GALNTL6: variants seen among roughly 807,000 people sequenced by gnomAD.
The protein encoded by GALNTL6 is polypeptide N-acetylgalactosaminyltransferase-like 6.
GALNTL6 carries 46 observed loss-of-function variants against 73.7 expected under a neutral mutation model. That is an observed-to-expected ratio of 0.62 (90% CI 0.49 to 0.80). GALNTL6 has a LOEUF of 0.80. GALNTL6 is among the 30% of genes least tolerant of loss of function. The pLI is 0.00. For missense variants in GALNTL6, 604 were observed against 755.0 expected, an observed-to-expected ratio of 0.80 and a Z score of 2.34; for synonymous variants, 259 against 263.7, an observed-to-expected ratio of 0.98 and a Z score of 0.17.
chr4:172,691,238 G>A (rs2111258559), intron 5 of GALNTL6, among the ~76,000 whole-genome samples: 1 of 152,234 alleles, frequency 6.6e-6, no homozygotes, highest in South Asian at 2.1e-4. Context: ...TCATCAAACA[G>A]CAAGAAAACA....
chr4:172,777,941 A>G (rs1027258771), intron 5 of GALNTL6, among the ~76,000 whole-genome samples: 1 of 152,134 alleles, frequency 6.6e-6, no homozygotes. Flanking sequence ...AGTTCTCTCT[A>G]TTTCCTAGGT....
chr4:171,929,886 C>T (rs1001204938), intron 2 of GALNTL6, among the ~76,000 whole-genome samples: 16 of 152,186 alleles, frequency 1.1e-4, no homozygotes, highest in Admixed American at 6.5e-5. Context: ...CTGTCTGGTC[C>T]CCCTGCACTT....
intron 2 of GALNTL6, among the ~76,000 whole-genome samples, chr4:171,903,336 A>G (rs1053094421): frequency 3.3e-5 from 5 of 152,116 alleles, no homozygotes; most frequent in Non-Finnish European, 5.9e-5. Context: ...CTCGGAAAGC[A>G]CAAGGGGTCA....
chr4:172,167,456 C>T (rs1446262547), intron 2 of GALNTL6, among the ~76,000 whole-genome samples: 1 of 152,124 alleles, frequency 6.6e-6, no homozygotes, highest in Non-Finnish European at 1.5e-5. Flanking sequence ...TGTTGCTTAC[C>T]TGCTTAGAGC....
chr4:171,816,518 C>T (rs1333877180), intron 2 of GALNTL6, among the ~76,000 whole-genome samples: 1 of 151,930 alleles, frequency 6.6e-6, no homozygotes, highest in Non-Finnish European at 1.5e-5. Flanking sequence ...TTTTCGTATA[C>T]TGTAGAATAA....
At chr4:172,465,478 AAAAAAGAAAAAAAAAG>A (rs1388536048) in intron 5 of GALNTL6, among the ~76,000 whole-genome samples, 1 of 152,010 alleles carries the variant, frequency 6.6e-6, no homozygotes, top group Non-Finnish European at 1.5e-5. Context: ...ATCCGTCTCA[AAAAAAGAAAAAAAAAG>A]AAAAAGAAAA....
intron 3 of GALNTL6, among the ~76,000 whole-genome samples, chr4:172,261,115 C>T (rs1000415141): frequency 1.3e-5 from 2 of 151,336 alleles, no homozygotes; most frequent in African/African-American, 4.8e-5. Context: ...GATTGACTTG[C>T]TTCATATAAT....
chr4:172,035,356 C>A (rs910859373), intron 2 of GALNTL6, among the ~76,000 whole-genome samples: 2 of 152,040 alleles, frequency 1.3e-5, no homozygotes, highest in Admixed American at 1.3e-4. Flanking sequence ...AATTTGGACT[C>A]CTCAAGCCAG....
intron 5 of GALNTL6, among the ~76,000 whole-genome samples, chr4:172,462,231 T>C (rs1408189427): frequency 6.6e-6 from 1 of 152,182 alleles, no homozygotes; most frequent in Non-Finnish European, 1.5e-5. Flanking sequence ...TCCATATCCA[T>C]GTGAGCTAAT....
intron 5 of GALNTL6, among the ~76,000 whole-genome samples, chr4:172,533,178 A>AT (rs1328890898): frequency 2.0e-5 from 3 of 150,500 alleles, no homozygotes; most frequent in South Asian, 4.2e-4. Flanking sequence ...TGCCTGGCTA[A>AT]TTTTTTGTAT....
chr4:172,592,832 T>G (rs1334424876), intron 5 of GALNTL6, among the ~76,000 whole-genome samples: 1 of 152,154 alleles, frequency 6.6e-6, no homozygotes, highest in Non-Finnish European at 1.5e-5. Flanking sequence ...ATTTTGATAT[T>G]TCTTTATGAT....
At chr4:172,223,287 C>T (rs1560976862) in intron 2 of GALNTL6, among the ~76,000 whole-genome samples, 2 of 151,822 alleles carry the variant, frequency 1.3e-5, no homozygotes, top group Non-Finnish European at 1.5e-5. Flanking sequence ...TTCTTTCCAC[C>T]AAAAAAATTT....
intron 2 of GALNTL6, among the ~76,000 whole-genome samples, chr4:171,942,241 G>GATACATAAATAA (rs1370018816): frequency 3.3e-4 from 10 of 30,154 alleles, no homozygotes; most frequent in African/African-American, 4.5e-4. Context: ...AAAATAAATA[G>GATACATAAATAA]ATAAATAAAT....
chr4:171,920,435 T>C (rs1021118018), intron 2 of GALNTL6, among the ~76,000 whole-genome samples: 11 of 151,938 alleles, frequency 7.2e-5, no homozygotes, highest in African/African-American at 2.7e-4. Context: ...GGGAAATGTG[T>C]TTAATATTAT....
At chr4:172,018,677 C>T (rs1741293603) in intron 2 of GALNTL6, among the ~76,000 whole-genome samples, 3 of 152,104 alleles carry the variant, frequency 2.0e-5, no homozygotes, top group Admixed American at 2.0e-4. Context: ...ACATCTCTCC[C>T]AATTTGTCCA....
intron 3 of GALNTL6, among the ~76,000 whole-genome samples, chr4:172,287,350 C>T (rs1316184040): frequency 1.3e-5 from 2 of 152,008 alleles, no homozygotes; most frequent in African/African-American, 2.4e-5. Context: ...GTGTGCATGC[C>T]CACAGTGCAT....
intron 4 of GALNTL6, among the ~76,000 whole-genome samples, chr4:172,329,298 G>A (rs754993875): frequency 6.6e-6 from 1 of 152,138 alleles, no homozygotes; most frequent in Non-Finnish European, 1.5e-5. Context: ...GCCCCAGCAG[G>A]GGGTGGCTGG....
intron 2 of GALNTL6, among the ~76,000 whole-genome samples, chr4:171,834,698 A>G (rs540361): frequency 1.3e-5 from 2 of 151,922 alleles, no homozygotes; most frequent in African/African-American, 4.8e-5. Flanking sequence ...TGGATATACC[A>G]TCTAAAGATG....
intron 2 of GALNTL6, among the ~76,000 whole-genome samples, chr4:171,886,169 TCAAA>T (rs1259811809): frequency 6.6e-6 from 1 of 152,028 alleles, no homozygotes; most frequent in Non-Finnish European, 1.5e-5. Context: ...TTAATAAAAA[TCAAA>T]CAAATAAAAA....
Sources: allele counts gnomAD v4.1 joint callset (sites outside exome capture counted in the v4.1 genomes callset), GRCh38; gene constraint gnomAD v4.1.1; transcripts MANE v1.5; gene names NCBI Gene and HGNC (gene_info 2026-07-23, HGNC 2026-07-21).